Variants in CAD observed in about 807,000 individuals in gnomAD.
The protein encoded by CAD is carbamoyl-phosphate synthetase 2, aspartate transcarbamylase, and dihydroorotase.
Under a neutral mutation model 237.2 loss-of-function variants are expected in CAD, and 81 were observed. That is an observed-to-expected ratio of 0.34 (90% CI 0.29 to 0.41). CAD has a LOEUF of 0.41. CAD is among the 10% of genes least tolerant of loss of function. The pLI, the probability that CAD is intolerant of heterozygous loss-of-function variation, is 1.00. For missense variants in CAD, 2,181 were observed against 2,951.7 expected (o/e 0.74, Z 6.05); for synonymous variants, 1,196 against 1,162.8 (o/e 1.03, Z -0.58).
chr2:27,222,436 T>A (rs1675218821), intron 4 of CAD, 83 bp from the exon 5 acceptor site: 1 of 1,574,050 alleles, frequency 6.4e-7, no homozygotes, highest in Non-Finnish European at 8.7e-7. Flanking sequence ...AAGGAGGCTT[T>A]GAAGGTAGGA....
rs1675795379 is a variant in CAD at position 27,232,236 on chromosome 2, C to G, written c.2645+12C>G. On this transcript the variant is annotated intron_variant, in intron 17 of 43. Transcript: ENST00000264705. The surrounding 1 kb of genome is among the most constrained non-coding windows in gnomAD (Gnocchi z 4.1). The stretch of plus-strand genomic sequence containing the variant: ...CTTGCAGTTCTGAGGTCAGAGGTGG[C>G]AATGAGAGCTTCCGGCTGGGAAATG... 1.2e-6 allele frequency: 2 copies of G among 1,612,634 alleles called. No individual in the cohort carries two copies. The highest frequency in any genetic ancestry group is 1.7e-5 in the Admixed American group (1 of 59,998).
Position 27,234,159 on chromosome 2 carries a change from C to T in CAD, c.3551C>T (p.Ala1184Val). 1 of 1,614,222 alleles carries T rather than the reference C, an allele frequency of 6.2e-7. No individual in the cohort carries two copies. The change falls in exon 22 of 44, where the codon GCC becomes GTC. Residue 1184 changes from alanine (A) to valine (V), a missense_variant. Coordinates refer to ENST00000264705, the MANE Select transcript of CAD (RefSeq NM_004341.5). The stretch of plus-strand genomic sequence containing the variant: ...GCCAAAACCCTGGAGCGGATCAAAG[C>T]CATTGTGCATGCTGTGGGCCAGGAG... ...ITAKTLERIK[A>V]IVHAVGQELQ... is the part of the protein sequence containing the mutation.
rs867878995 is a variant in CAD, at chr2:27,236,268, G to T, written c.4075-16G>T. On this transcript the variant is annotated splice_polypyrimidine_tract_variant and intron_variant, in intron 25 of 43. Coordinates refer to ENST00000264705, the MANE Select transcript of CAD (RefSeq NM_004341.5). The surrounding 1 kb of genome is among the most constrained non-coding windows in gnomAD (Gnocchi z 4.1). The stretch of plus-strand genomic sequence containing the variant: ...TGCCAGACAGCTTGGCCCTGACCTT[G>T]ACTCCGGGTTGGCAGGTAACAGCTG... 3.1e-6 allele frequency: 5 copies of T among 1,611,416 alleles called. No homozygotes were observed. The highest frequency in any genetic ancestry group is 1.8e-4 in the Middle Eastern group (1 of 5,612).
At position 27,233,550 on chromosome 2, in the gene CAD, T is replaced by G; in HGVS notation, c.3216+14T>G. 6.2e-7 allele frequency: 1 copy of G among 1,613,946 alleles called. No homozygotes were observed. Among genetic ancestry groups the G allele is most frequent in the Non-Finnish European group, 8.5e-7 (1 of 1,179,828 alleles). ...AGTGACCTCGAGGTGGGCTGGGACC[T>G]GGTGGGTTACCCGGAGGCTGGATGA... On this transcript the variant is annotated intron_variant, in intron 20 of 43. Coordinates refer to ENST00000264705, the MANE Select transcript of CAD (RefSeq NM_004341.5). This position sits in a 1 kb window ranked among gnomAD's most constrained non-coding sequence, Gnocchi z 6.3.
chr2:27,231,566 C>G lies in CAD; in HGVS notation c.2386C>G (p.Pro796Ala). Reference sequence around the variant, plus strand: ...TGTGGGCTTTGATCACACAGTGAAACCAGTCAGCGATATGGTAAGTAGCTC... The same window carrying G: ...TGTGGGCTTTGATCACACAGTGAAAGCAGTCAGCGATATGGTAAGTAGCTC... ...NCVGFDHTVK[P>A]VSDMELETPT... Residue 796 changes from proline (P) to alanine (A), a missense_variant, in exon 16 of 44, where the codon CCA becomes GCA. Physicochemically the swap from Pro to Ala is conservative, Grantham distance 27 (BLOSUM62 -1). Coordinates refer to ENST00000264705, the MANE Select transcript of CAD (RefSeq NM_004341.5). 6.2e-7 allele frequency: 1 copy of G among 1,610,438 alleles called. No homozygotes were observed. Among genetic ancestry groups the G allele is most frequent in the East Asian group, 2.2e-5 (1 of 44,862 alleles).
At position 27,233,890 on chromosome 2, in the gene CAD, A is replaced by G. The variant is rs1286459232; in HGVS notation, c.3399+82A>G. 1.2e-5 allele frequency: 19 copies of G among 1,567,028 alleles called. No homozygotes were observed. The highest frequency in any genetic ancestry group is 2.7e-5 in the African/African-American group (2 of 73,884). On this transcript the variant is annotated intron_variant, in intron 21 of 43. Transcript: ENST00000264705. This position sits in a 1 kb window ranked among gnomAD's most constrained non-coding sequence, Gnocchi z 6.3. ...CTTCCTTCTCTGGTCCAGCAGAATC[A>G]TAGGCACCAGGGCTGGGAACAGTGG... is the stretch of plus-strand genomic sequence containing the variant.
In CAD at chr2:27,217,445, G is replaced by C. The variant is rs919204373; in HGVS notation, c.-107G>C. ...CGGCTTCTCTCCAGCGCCCCGCGCC[G>C]TTAGCCACGTGGACCGACTCCGGCG... On this transcript the variant is annotated 5_prime_UTR_variant, in exon 1 of 44. Coordinates refer to ENST00000264705, the MANE Select transcript of CAD (RefSeq NM_004341.5). 2.0e-6 allele frequency: 2 copies of C among 989,196 alleles called. No homozygotes were observed. Among genetic ancestry groups the C allele is most frequent in the African/African-American group, 3.3e-5 (2 of 61,370 alleles). 61.3% of individuals were successfully genotyped at this position (989,196 alleles called of 1,614,324 possible).
intron 31 of CAD, 143 bp downstream of exon 31, chr2:27,238,775 G>A (rs772706075): frequency 2.4e-5 from 18 of 760,046 alleles, no homozygotes; most frequent in Non-Finnish European, 3.3e-5. Context: ...TAGGGTACCT[G>A]GTCTGTGATA....
chr2:27,234,355 C>A, intron 22 of CAD, 129 bp downstream of exon 22: 3 of 1,138,018 alleles, frequency 2.6e-6, no homozygotes, highest in Admixed American at 1.8e-5. Flanking sequence ...AGGGAAAGGG[C>A]TGTAGCTAGA....
rs925564268 is a variant in CAD, at chr2:27,236,929, C to T, written c.4396+99C>T. 1 of 943,980 alleles carries T rather than the reference C, an allele frequency of 1.1e-6. No homozygotes were observed. Among genetic ancestry groups the T allele is most frequent in the Admixed American group, 1.7e-5 (1 of 58,372 alleles). The allele number at this position is 943,980 out of a possible 1,614,324, so 58.5% of individuals were successfully genotyped here. ...ATGGCTGGGGGGCCCACTCTTTGTC[C>T]TGGACTGCACAGACTGTGAAGACCC... On this transcript the variant is annotated intron_variant, in intron 27 of 43. Transcript: ENST00000264705. The surrounding 1 kb of genome is among the most constrained non-coding windows in gnomAD (Gnocchi z 4.1).
rs985643976 is a variant in CAD, at chr2:27,240,149, G to T, written c.5497-116G>T. The T allele has an allele frequency of 1.2e-6, 1 of 817,106 alleles. No individual in the cohort carries two copies. The highest frequency in any genetic ancestry group is 2.0e-6 in the Non-Finnish European group (1 of 497,772). The allele number at this position is 817,106 out of a possible 1,614,324, so 50.6% of individuals were successfully genotyped here. ...CCAGCTACTTGGGAGGCTGAGGCAG[G>T]AGAATTGCTTGAACCCAGAAGGTCA... On this transcript the variant is annotated intron_variant, in intron 34 of 43. Coordinates refer to ENST00000264705, the MANE Select transcript of CAD (RefSeq NM_004341.5). This position sits in a 1 kb window ranked among gnomAD's most constrained non-coding sequence, Gnocchi z 4.6.
chr2:27,231,664 A>G (rs2081080562), intron 16 of CAD, 84 bp downstream of exon 16: 1 of 831,212 alleles, frequency 1.2e-6, no homozygotes. Context: ...GTTACCAGTA[A>G]CACTAGCAGC....
chr2:27,236,193 A>G lies in CAD; in HGVS notation c.4075-91A>G. 1 of 1,535,374 alleles carries G rather than the reference A, an allele frequency of 6.5e-7. No individual in the cohort carries two copies. The highest frequency in any genetic ancestry group is 8.8e-7 in the Non-Finnish European group (1 of 1,137,770). The stretch of plus-strand genomic sequence containing the variant: ...CCTATGGGTCCTCAGTCTCCTCATC[A>G]TGGGCTCCTGGGCCAGCTCCTCTCC... On this transcript the variant is annotated intron_variant, in intron 25 of 43. Coordinates refer to ENST00000264705, the MANE Select transcript of CAD (RefSeq NM_004341.5). The surrounding 1 kb of genome is among the most constrained non-coding windows in gnomAD (Gnocchi z 4.1).
Position 27,232,933 on chromosome 2 carries a change from G to A in CAD, c.2893-109G>A, listed in dbSNP as rs1204098539. ...GTCCTGTACAGCTCTTTCAGAGGAA[G>A]CTGTGCTGGCAGTCTCTGAAGTAGG... On this transcript the variant is annotated intron_variant, in intron 18 of 43. Coordinates refer to ENST00000264705, the MANE Select transcript of CAD (RefSeq NM_004341.5). The surrounding 1 kb of genome is among the most constrained non-coding windows in gnomAD (Gnocchi z 4.1). 2.4e-5 allele frequency: 20 copies of A among 844,650 alleles called. No individual in the cohort carries two copies. Among genetic ancestry groups the A allele is most frequent in the East Asian group, 2.5e-5 (1 of 40,072 alleles). The allele number at this position is 844,650 out of a possible 1,614,324, so 52.3% of individuals were successfully genotyped here. A position where few individuals can be genotyped will look rare whatever the true frequency, so the allele number is the denominator to read the frequency against.
chr2:27,217,844 C>T (rs758608292), intron 1 of CAD, 33 bp from the exon 2 acceptor site: 5 of 1,563,608 alleles, frequency 3.2e-6, no homozygotes, highest in Non-Finnish European at 4.3e-6. Context: ...GAAGGGTGCC[C>T]TACCGGAGCC....
chr2:27,225,295 G>GTTATT, intron 11 of CAD, 52 bp downstream of exon 11: 6 of 696,242 alleles, frequency 8.6e-6, no homozygotes, highest in Non-Finnish European at 1.3e-5. Context: ...TTTTGGTAGT[G>GTTATT]TTATTTTCTT....
In CAD at chr2:27,217,958, C is replaced by G; in HGVS notation, c.164C>G (p.Pro55Arg). The G allele has an allele frequency of 6.2e-7, 1 of 1,613,042 alleles. No homozygotes were observed. Among genetic ancestry groups the G allele is most frequent in the Non-Finnish European group, 8.5e-7 (1 of 1,179,382 alleles). Residue 55 changes from proline (P) to arginine (R), a missense_variant, in exon 2 of 44, where the codon CCT (proline) becomes CGT (arginine). Physicochemically the swap from Pro to Arg is moderately radical, Grantham distance 103. Coordinates refer to ENST00000264705, the MANE Select transcript of CAD (RefSeq NM_004341.5). ...GCACAGATCTTAGTGCTCACCTATC[C>G]TCTGATCGGCAACTATGGCATCCCC... is the stretch of plus-strand genomic sequence containing the variant. ...YKAQILVLTY[P>R]LIGNYGIPPD... is the part of the protein sequence containing the mutation.
rs758983459 is a variant in CAD, at chr2:27,233,288, C to T, written c.2992-24C>T. On this transcript the variant is annotated intron_variant, in intron 19 of 43. Coordinates refer to ENST00000264705, the MANE Select transcript of CAD (RefSeq NM_004341.5). The surrounding 1 kb of genome is among the most constrained non-coding windows in gnomAD (Gnocchi z 6.3). Reference sequence around the variant, plus strand: ...TTCCTGCCCTCTTTTGCTGCCACCACTTGTTTCTCCCCCTGCAACGTAGGT... The same window carrying T: ...TTCCTGCCCTCTTTTGCTGCCACCATTTGTTTCTCCCCCTGCAACGTAGGT... 3 of 1,603,448 alleles carry T rather than the reference C, an allele frequency of 1.9e-6. No homozygotes were observed. Among genetic ancestry groups the T allele is most frequent in the South Asian group, 2.2e-5 (2 of 90,828 alleles).
rs1676196109 is a variant in CAD, at chr2:27,239,539, C to G, written c.5394+68C>G. On this transcript the variant is annotated intron_variant, in intron 33 of 43. Coordinates refer to ENST00000264705, the MANE Select transcript of CAD (RefSeq NM_004341.5). The surrounding 1 kb of genome is among the most constrained non-coding windows in gnomAD (Gnocchi z 4.0). ...TGCACCACGTTCATTTCTTCCCTTC[C>G]CAGCACATCTACACTGTCCCACTAT... 3.2e-6 allele frequency: 5 copies of G among 1,579,928 alleles called. No homozygotes were observed. The highest frequency in any genetic ancestry group is 4.3e-6 in the Non-Finnish European group (5 of 1,153,914).
Sources: gnomAD v4.1 joint callset for allele counts on GRCh38, gnomAD v4.1.1 for gene constraint, Gnocchi (gnomAD v3.1) non-coding constraint, MANE v1.5 for transcripts, NCBI Gene and HGNC (gene_info 2026-07-23, HGNC 2026-07-21) for gene names.